The following ZNF300 variants were observed in gnomAD, a reference collection of about 807,000 sequenced individuals.
ZNF300 encodes zinc finger protein 300.
In ZNF300, 6 loss-of-function variants were observed where a neutral mutation model predicts 13.9. The ratio of observed to expected loss-of-function variants is 0.43; its 90% CI spans 0.24 to 0.85. The LOEUF is 0.85. Ranked by LOEUF, ZNF300 falls within the 40% of genes least tolerant of loss-of-function variation. ZNF300 has a pLI of 0.25. For missense variants in ZNF300, 662 were observed against 714.2 expected (o/e 0.93, Z 0.83); for synonymous variants, 237 against 242.2 (o/e 0.98, Z 0.20).
rs758747683 is a variant in ZNF300 at position 150,896,531 on chromosome 5, A to T, written c.708T>A (p.Asn236Lys). 55 of 1,613,580 alleles carry T rather than the reference A, an allele frequency of 3.4e-5. No homozygotes were observed. Among genetic ancestry groups the T allele is most frequent in the Non-Finnish European group, 4.2e-5 (49 of 1,179,842 alleles). The part of the protein sequence containing the change: ...EPNSNLEKIH[N>K]GVIPFDDNQC... The stretch of plus-strand genomic sequence containing the variant: ...GATTATCATCAAAAGGTATTACTCC[A>T]TTGTGAATCTTCTCAAGATTAGAAT... Residue 236 changes from asparagine (N) to lysine (K), a missense_variant, in exon 6 of 6, where the codon AAT becomes AAA. Asn to Lys is a moderately conservative substitution (Grantham distance 94). Transcript: ENST00000274599.
intron 3 of ZNF300, chr5:150,900,755 T>C (rs1427945995): frequency 6.6e-6 from 1 of 152,060 alleles, no homozygotes; most frequent in Non-Finnish European, 1.5e-5. Context: ...TGTGTATTAG[T>C]CTAATTTGTT....
chr5:150,901,976 G>A (rs1430114855), intron 3 of ZNF300, among the ~76,000 whole-genome samples: 1 of 152,010 alleles, frequency 6.6e-6, no homozygotes, highest in Admixed American at 6.6e-5. Context: ...AAGAAAATAA[G>A]AGACATTCTC....
chr5:150,901,811 G>A (rs1561758895), intron 3 of ZNF300, among the ~76,000 whole-genome samples: 1 of 152,070 alleles, frequency 6.6e-6, no homozygotes, highest in Non-Finnish European at 1.5e-5. Flanking sequence ...GAAATATTAT[G>A]CATCTGATAA....
intron 2 of ZNF300, 165 bp from the exon 3 acceptor site, chr5:150,903,347 C>T: frequency 6.4e-7 from 1 of 1,552,986 alleles, no homozygotes; most frequent in African/African-American, 1.4e-5. Flanking sequence ...CAGCAGGCAC[C>T]ATGTGGAGGA....
At chr5:150,901,975 A>G (rs915634255) in intron 3 of ZNF300, among the ~76,000 whole-genome samples, 1 of 152,170 alleles carries the variant, frequency 6.6e-6, no homozygotes, top group Non-Finnish European at 1.5e-5. Flanking sequence ...CAAGAAAATA[A>G]GAGACATTCT....
In ZNF300 at chr5:150,896,351, T is replaced by C. The variant is rs1281850083; in HGVS notation, c.888A>G (p.Pro296=). ...CTTTTCCGCATGCACCACAATCATA[T>C]GGTTTCTTTCCAGTATGAATTCTTT... ...VHQRIHTGKK[P]YDCGACGKAF... Residue 296 remains proline (P), a synonymous_variant, in exon 6 of 6, where the codon CCA becomes CCG. Coordinates refer to ENST00000274599, the MANE Select transcript of ZNF300 (RefSeq NM_052860.4). The C allele has an allele frequency of 6.2e-7, 1 of 1,613,618 alleles. No individual in the cohort carries two copies. Among genetic ancestry groups the C allele is most frequent in the East Asian group, 2.2e-5 (1 of 44,874 alleles).
At chr5:150,897,279 CT>C in intron 5 of ZNF300, 1 of 251,438 alleles carries the variant, frequency 4.0e-6, no homozygotes, top group Non-Finnish European at 7.5e-6. Flanking sequence ...CCCTTTTCAC[CT>C]TTTAATTTCA....
intron 4 of ZNF300, 28 bp downstream of exon 4, chr5:150,898,400 C>T: frequency 6.2e-7 from 1 of 1,613,328 alleles, no homozygotes; most frequent in Non-Finnish European, 8.5e-7. Context: ...TTGGACAACT[C>T]TGAGTTATTC....
At chr5:150,898,023 CCAAT>C (rs775818117) in intron 5 of ZNF300, 35 bp downstream of exon 5, 24 of 1,594,126 alleles carry the variant, frequency 1.5e-5, no homozygotes, top group Non-Finnish European at 2.0e-5. Context: ...ACCTCAGGCA[CCAAT>C]CAATTAAAAA....
rs1367158911 is a variant in ZNF300 at position 150,896,890 on chromosome 5, T to C, written c.349A>G (p.Arg117Gly). The C allele has an allele frequency of 6.2e-7, 1 of 1,613,470 alleles. No homozygotes were observed. Among genetic ancestry groups the C allele is most frequent in the African/African-American group, 1.3e-5 (1 of 74,898 alleles). The change falls in exon 6 of 6, where the codon AGG (arginine) becomes GGG (glycine). Residue 117 changes from arginine (R) to glycine (G), a missense_variant. Arg to Gly is a moderately radical substitution (Grantham distance 125). Transcript: ENST00000274599. ...AAAATGGAGCACAATGAACCATCCC[T>C]TGTGACTCCTTTCAGTATCTTATGA... The part of the protein sequence containing the change: ...FHHKILKGVT[R>G]DGSLCSILKV...
intron 3 of ZNF300, among the ~76,000 whole-genome samples, chr5:150,901,203 A>C (rs1401999903): frequency 2.6e-5 from 4 of 152,128 alleles, no homozygotes; most frequent in Non-Finnish European, 2.9e-5. Flanking sequence ...TAAGTAAAAA[A>C]TCCATTCTCC....
chr5:150,904,404 C>T (rs1010837213), intron 1 of ZNF300, among the ~76,000 whole-genome samples: 23 of 151,964 alleles, frequency 1.5e-4, no homozygotes, highest in African/African-American at 5.3e-4. Context: ...CCCCCATGTC[C>T]ATCACATCAC....
At chr5:150,900,677 G>A (rs1000985387) in intron 3 of ZNF300, 3 of 151,910 alleles carry the variant, frequency 2.0e-5, no homozygotes, top group Non-Finnish European at 4.4e-5. Flanking sequence ...CTTAAGAAAC[G>A]TTTGTTAAAT....
intron 3 of ZNF300, among the ~76,000 whole-genome samples, chr5:150,901,361 A>G (rs1407569191): frequency 1.3e-5 from 2 of 152,098 alleles, no homozygotes; most frequent in Non-Finnish European, 2.9e-5. Context: ...TGGAATCCTT[A>G]AAAACTACTA....
intron 5 of ZNF300, chr5:150,897,671 GA>G: frequency 5.2e-6 from 1 of 190,852 alleles, no homozygotes; most frequent in Non-Finnish European, 1.1e-5. Context: ...TGCATGCTCT[GA>G]AAAATGTTTC....
At position 150,896,820 on chromosome 5, in the gene ZNF300, T is replaced by C. The variant is rs929953875; in HGVS notation, c.419A>G (p.Asn140Ser). 1.2e-6 allele frequency: 2 copies of C among 1,613,780 alleles called. No individual in the cohort carries two copies. The highest frequency in any genetic ancestry group is 3.3e-5 in the Admixed American group (2 of 59,974). Residue 140 changes from asparagine to serine, a missense_variant, in exon 6 of 6, where the codon AAT becomes AGT. Physicochemically the swap from Asn to Ser is conservative, Grantham distance 46. Coordinates refer to ENST00000274599, the MANE Select transcript of ZNF300 (RefSeq NM_052860.4). ...GACCTGCCTGAAGAGTTTGTCTTGA[T>C]TCTCTAGAAATCTCTGCAGCTGACC... ...GDGQLQRFLE[N>S]QDKLFRQVTF...
Position 150,896,584 on chromosome 5 carries a change from C to T in ZNF300, c.655G>A (p.Gly219Arg), listed in dbSNP as rs1177573064. 6 of 1,613,636 alleles carry T rather than the reference C, an allele frequency of 3.7e-6. No homozygotes were observed. Among genetic ancestry groups the T allele is most frequent in the South Asian group, 3.3e-5 (3 of 91,056 alleles). Residue 219 changes from glycine to arginine, a missense_variant, in exon 6 of 6, where the codon GGA becomes AGA. Coordinates refer to ENST00000274599, the MANE Select transcript of ZNF300 (RefSeq NM_052860.4). The part of the protein sequence containing the change: ...RKKPDQSFGG[G>R]KSSSQSEPNS... ...GGCTCACTCTGGCTAGATGATTTTC[C>T]ACCTCCAAAACTCTGATCAGGTTTT...
intron 3 of ZNF300, among the ~76,000 whole-genome samples, chr5:150,900,916 T>A (rs1421308688): frequency 2.0e-5 from 3 of 152,084 alleles, no homozygotes; most frequent in Non-Finnish European, 4.4e-5. Context: ...TAAGTAGGTA[T>A]AAATTTCTTA....
chr5:150,897,541 A>G (rs1215468701), intron 5 of ZNF300: 1 of 155,940 alleles, frequency 6.4e-6, no homozygotes, highest in African/African-American at 2.4e-5. Context: ...AAGTTCTCCC[A>G]GAAAAGCTGT....
Sources: gnomAD v4.1 joint callset for allele counts (sites outside exome capture counted in the v4.1 genomes callset) on GRCh38, gnomAD v4.1.1 for gene constraint, MANE v1.5 for transcripts, NCBI Gene and HGNC (gene_info 2026-07-23, HGNC 2026-07-21) for gene names.